Variants in VAV3 observed in about 807,000 individuals in gnomAD.
The protein encoded by VAV3 is vav guanine nucleotide exchange factor 3.
Under a neutral mutation model 131.2 loss-of-function variants are expected in VAV3, and 94 were observed. The observed-to-expected ratio is 0.72, with a 90% CI of 0.61 to 0.85. The LOEUF is 0.85. Among genes scored for constraint, VAV3 ranks in the 40% least tolerant of loss-of-function variants. VAV3 has a pLI of 0.00. For missense variants in VAV3, 939 were observed against 1,002.7 expected (o/e 0.94, Z 0.86); for synonymous variants, 349 against 342.0 (o/e 1.02, Z -0.22).
At chr1:107,735,645 A>G (rs1662571497) in intron 15 of VAV3, among the ~76,000 whole-genome samples, 1 of 152,220 alleles carries the variant, frequency 6.6e-6, no homozygotes, top group South Asian at 2.1e-4. Context: ...CACTCTCCCA[A>G]GACTAAACTA....
chr1:107,765,099 CTTT>C lies in VAV3; in HGVS notation c.895_897del (p.Lys299del). On this transcript the variant is annotated inframe_deletion, in exon 9 of 27. Coordinates refer to ENST00000370056, the MANE Select transcript of VAV3 (RefSeq NM_006113.5). ...ACCTCTAATTTCAGTTTGACATCTT[CTTT>C]TGTCTTAGAAATGTAGTCTAAACTA... 1 of 1,613,268 alleles carries C rather than the reference CTTT, an allele frequency of 6.2e-7. No homozygotes were observed.
Position 107,658,552 on chromosome 1 carries a change from A to T in VAV3, c.1778-15797T>A, listed in dbSNP as rs180754479. ...GACTTCCACAATGGTTGAACTAGTTAACAGTCCCACCAACAGTGTAAAAGT... is the reference window on the plus strand; with the variant it reads ...GACTTCCACAATGGTTGAACTAGTTTACAGTCCCACCAACAGTGTAAAAGT... On this transcript the variant is annotated intron_variant, in intron 19 of 26. Coordinates refer to ENST00000370056, the MANE Select transcript of VAV3 (RefSeq NM_006113.5). 3.6e-4 allele frequency among the ~76,000 whole-genome samples: 55 copies of T among 152,088 alleles called. 2 individuals are homozygous for T. Among genetic ancestry groups the T allele is most frequent in the Admixed American group, 1.3e-3 (20 of 15,268 alleles).
chr1:107,899,174 A>T (rs1184170467), intron 1 of VAV3, among the ~76,000 whole-genome samples: 1 of 152,220 alleles, frequency 6.6e-6, no homozygotes, highest in Admixed American at 6.5e-5. Context: ...CTTTTTTCAC[A>T]ATGCAGTTAT....
At chr1:107,721,327 C>T (rs1445683888) in intron 15 of VAV3, among the ~76,000 whole-genome samples, 1 of 152,144 alleles carries the variant, frequency 6.6e-6, no homozygotes, top group Non-Finnish European at 1.5e-5. Context: ...TATTCCAGAA[C>T]TGTTCAGAGC....
rs182751773 is a variant in VAV3 at position 107,729,437 on chromosome 1, G to A, written c.1502+19531C>T. The stretch of plus-strand genomic sequence containing the variant: ...AAAATGCAGAAAGTCTATAGTTTGG[G>A]GTTAGGAGATAGAAAACCTGAGTTT... On this transcript the variant is annotated intron_variant, in intron 15 of 26. Coordinates refer to ENST00000370056, the MANE Select transcript of VAV3 (RefSeq NM_006113.5). 3.4e-3 allele frequency among the ~76,000 whole-genome samples: 520 copies of A among 152,132 alleles called. 2 individuals are homozygous for A. The highest frequency in any genetic ancestry group is 0.012 in the African/African-American group (499 of 41,502).
intron 1 of VAV3, among the ~76,000 whole-genome samples, chr1:107,918,855 A>T (rs1672753349): frequency 6.6e-6 from 1 of 151,472 alleles, no homozygotes; most frequent in Admixed American, 6.6e-5. Flanking sequence ...ACAGACATCC[A>T]CCACCATGCC....
chr1:107,893,697 GT>G lies in VAV3; in HGVS notation c.205-18681del, dbSNP rs529656783. Among the ~76,000 whole-genome samples, 526 of 152,252 alleles carry G rather than the reference GT, an allele frequency of 3.5e-3. 4 individuals carry two copies. The highest frequency in any genetic ancestry group is 0.012 in the African/African-American group (487 of 41,546). ...TCATGATTCAATTACCTCCCACCAG[GT>G]CACTCCCACAACATGTGGGAATTCA... On this transcript the variant is annotated intron_variant, in intron 1 of 26. Coordinates refer to ENST00000370056, the MANE Select transcript of VAV3 (RefSeq NM_006113.5).
At chr1:107,805,921 G>A (rs1003850551) in intron 2 of VAV3, among the ~76,000 whole-genome samples, 2 of 152,124 alleles carry the variant, frequency 1.3e-5, no homozygotes, top group African/African-American at 4.8e-5. Flanking sequence ...TGTGCTACTA[G>A]TCCCAAATGA....
intron 13 of VAV3, among the ~76,000 whole-genome samples, chr1:107,750,872 C>T (rs1663677949): frequency 6.6e-6 from 1 of 152,022 alleles, no homozygotes; most frequent in Non-Finnish European, 1.5e-5. Context: ...TTAATGTATC[C>T]TAGCTGATCA....
At position 107,908,238 on chromosome 1, in the gene VAV3, T is replaced by C. The variant is rs72983453; in HGVS notation, c.205-33221A>G. On this transcript the variant is annotated intron_variant, in intron 1 of 26. Coordinates refer to ENST00000370056, the MANE Select transcript of VAV3 (RefSeq NM_006113.5). Reference sequence around the variant, plus strand: ...AGCAACCATATTCTTCCCCCAGCAGTGGCTGGTAGAAGTGGGGATAGATGT... The same window carrying C: ...AGCAACCATATTCTTCCCCCAGCAGCGGCTGGTAGAAGTGGGGATAGATGT... Among the ~76,000 whole-genome samples, 1,327 of 152,294 alleles carry C rather than the reference T, an allele frequency of 8.7e-3. 26 individuals are homozygous for C. Among genetic ancestry groups the C allele is most frequent in the African/African-American group, 0.03 (1,266 of 41,568 alleles).
chr1:107,658,951 T>C (rs1022430113), intron 19 of VAV3, among the ~76,000 whole-genome samples: 3 of 151,244 alleles, frequency 2.0e-5, no homozygotes, highest in South Asian at 4.2e-4. Context: ...CTCTTTAGTT[T>C]AATTAGATCC....
chr1:107,678,966 T>C (rs1412651397), intron 19 of VAV3, among the ~76,000 whole-genome samples: 1 of 152,148 alleles, frequency 6.6e-6, no homozygotes, highest in Non-Finnish European at 1.5e-5. Flanking sequence ...ATTTATGCAA[T>C]CAGAACTTTG....
intron 1 of VAV3, among the ~76,000 whole-genome samples, chr1:107,922,719 G>A: frequency 6.6e-6 from 1 of 151,780 alleles, no homozygotes; most frequent in Admixed American, 6.6e-5. Flanking sequence ...TTGGGAGGCA[G>A]AGGCGGGCGG....
intron 2 of VAV3, among the ~76,000 whole-genome samples, chr1:107,816,258 A>C (rs1303660253): frequency 1.3e-5 from 2 of 152,176 alleles, no homozygotes; most frequent in African/African-American, 4.8e-5. Context: ...AAAATTGAGT[A>C]CTTGGATGAC....
chr1:107,624,593 G>A (rs1278758171), intron 20 of VAV3, among the ~76,000 whole-genome samples: 2 of 152,022 alleles, frequency 1.3e-5, no homozygotes, highest in Non-Finnish European at 2.9e-5. Flanking sequence ...CTTAACAAAG[G>A]TCCAAAGAAA....
chr1:107,899,983 C>CT (rs574821755), intron 1 of VAV3, among the ~76,000 whole-genome samples: 53 of 152,174 alleles, frequency 3.5e-4, no homozygotes, highest in Non-Finnish European at 3.4e-4. Context: ...CATAAAATTC[C>CT]TTTTTTTATA....
chr1:107,580,116 C>A (rs750457481), intron 25 of VAV3, among the ~76,000 whole-genome samples: 3 of 152,184 alleles, frequency 2.0e-5, no homozygotes, highest in Non-Finnish European at 2.9e-5. Context: ...AATTAGACAG[C>A]GATTCTGGAG....
intron 8 of VAV3, 106 bp downstream of exon 8, chr1:107,766,341 T>C: frequency 1.4e-6 from 1 of 695,156 alleles, no homozygotes; most frequent in Non-Finnish European, 2.4e-6. Context: ...ACTGCTCAGG[T>C]AGTAATGTAA....
intron 2 of VAV3, among the ~76,000 whole-genome samples, chr1:107,780,036 T>C (rs1007268258): frequency 1.3e-5 from 2 of 152,186 alleles, no homozygotes; most frequent in African/African-American, 4.8e-5. Flanking sequence ...TCCTGCTATA[T>C]AGCAAAGCAG....
Sources: gnomAD v4.1 joint callset for allele counts (sites outside exome capture counted in the v4.1 genomes callset) on GRCh38, gnomAD v4.1.1 for gene constraint, MANE v1.5 for transcripts, NCBI Gene and HGNC (gene_info 2026-07-23, HGNC 2026-07-21) for gene names.